The following CLIP1 variants were observed in gnomAD, a reference collection of about 807,000 sequenced individuals.
The protein encoded by CLIP1 is CAP-Gly domain-containing linker protein 1.
CLIP1 carries 66 observed loss-of-function variants against 161.6 expected under a neutral mutation model. The observed-to-expected ratio is 0.41, with a 90% CI of 0.33 to 0.50. CLIP1 has a LOEUF of 0.50. Among genes scored for constraint, CLIP1 ranks in the 20% least tolerant of loss-of-function variants. CLIP1 has a pLI of 0.27. For missense variants in CLIP1, 1,376 were observed against 1,702.0 expected (o/e 0.81, Z 3.37); for synonymous variants, 598 against 626.2 (o/e 0.96, Z 0.67).
intron 1 of CLIP1, among the ~76,000 whole-genome samples, chr12:122,397,552 C>CAA: frequency 4.5e-5 from 1 of 22,444 alleles, no homozygotes; most frequent in Non-Finnish European, 9.2e-5. Context: ...GACTCCATCT[C>CAA]CAAAAAAAAA....
intron 1 of CLIP1, among the ~76,000 whole-genome samples, chr12:122,418,330 A>G (rs181074038): frequency 6.6e-6 from 1 of 152,314 alleles, no homozygotes; most frequent in East Asian, 1.9e-4. Flanking sequence ...ATGCTGTCAC[A>G]GTTCAAAAAT....
intron 10 of CLIP1, 155 bp from the exon 11 acceptor site, chr12:122,341,852 C>T: frequency 2.1e-6 from 1 of 472,444 alleles, no homozygotes; most frequent in Non-Finnish European, 3.4e-6. Flanking sequence ...GGTGCGATCT[C>T]AGCTCACTGC....
At chr12:122,369,364 G>C (rs1042068116) in intron 3 of CLIP1, among the ~76,000 whole-genome samples, 3 of 151,814 alleles carry the variant, frequency 2.0e-5, no homozygotes, top group Non-Finnish European at 2.9e-5. Flanking sequence ...CCAGTGAAGG[G>C]CCAGTTCACC....
At chr12:122,285,727 T>C (rs1955824638) in intron 21 of CLIP1, among the ~76,000 whole-genome samples, 1 of 151,864 alleles carries the variant, frequency 6.6e-6, no homozygotes. Context: ...TCCTCCCTTT[T>C]TGGCCTCCCA....
At chr12:122,365,550 C>T in intron 3 of CLIP1, 2 of 1,136,360 alleles carry the variant, frequency 1.8e-6, no homozygotes, top group South Asian at 1.2e-5. Context: ...CAGCCTGCTC[C>T]ACCCAGAGAA....
At chr12:122,398,136 C>G (rs1452839343) in intron 1 of CLIP1, among the ~76,000 whole-genome samples, 1 of 151,670 alleles carries the variant, frequency 6.6e-6, no homozygotes, top group African/African-American at 2.4e-5. Context: ...TTTTAAGGGA[C>G]TGGGCTTGGT....
At chr12:122,298,596 CAAA>C (rs58917162) in intron 20 of CLIP1, among the ~76,000 whole-genome samples, 13 of 62,040 alleles carry the variant, frequency 2.1e-4, no homozygotes, top group Non-Finnish European at 1.5e-4. Context: ...CACTCTGTCT[CAAA>C]AAAAAAAAAA....
At chr12:122,380,615 C>A in intron 1 of CLIP1, 57 bp from the exon 2 acceptor site, 1 of 469,530 alleles carries the variant, frequency 2.1e-6, no homozygotes, top group Non-Finnish European at 3.8e-6. Flanking sequence ...GTAGGAACAA[C>A]AGGTAGCTTT....
At chr12:122,394,240 A>G (rs1333127409) in intron 1 of CLIP1, among the ~76,000 whole-genome samples, 1 of 152,194 alleles carries the variant, frequency 6.6e-6, no homozygotes, top group African/African-American at 2.4e-5. Context: ...CTGTAATCCC[A>G]GTACTTTGGG....
intron 11 of CLIP1, 115 bp from the exon 12 acceptor site, chr12:122,336,863 G>C: frequency 2.2e-6 from 1 of 456,158 alleles, no homozygotes; most frequent in South Asian, 5.9e-5. Context: ...AAACAAAACT[G>C]AAAGGAATAC....
chr12:122,290,101 T>G (rs945170632), intron 20 of CLIP1, among the ~76,000 whole-genome samples: 1 of 152,220 alleles, frequency 6.6e-6, no homozygotes, highest in Non-Finnish European at 1.5e-5. Flanking sequence ...GATTATGTAA[T>G]GGCTTCCAAC....
intron 24 of CLIP1, chr12:122,276,629 C>CCTTGAG: frequency 2.4e-6 from 1 of 412,424 alleles, no homozygotes; most frequent in Non-Finnish European, 4.0e-6. Context: ...TGGCAACTAA[C>CCTTGAG]ATCTCAAGGT....
At chr12:122,295,437 T>C (rs1327602712) in intron 20 of CLIP1, among the ~76,000 whole-genome samples, 3 of 152,220 alleles carry the variant, frequency 2.0e-5, no homozygotes, top group Non-Finnish European at 4.4e-5. Flanking sequence ...TTTCCTTATG[T>C]ATAATGTCTA....
chr12:122,292,981 C>T (rs1318653489), intron 20 of CLIP1, among the ~76,000 whole-genome samples: 2 of 86,588 alleles, frequency 2.3e-5, no homozygotes, highest in East Asian at 3.2e-4. Context: ...CCAGCCTGGG[C>T]AAAAGAGCAA....
At chr12:122,330,236 C>A (rs1381581251) in intron 15 of CLIP1, among the ~76,000 whole-genome samples, 1 of 152,120 alleles carries the variant, frequency 6.6e-6, no homozygotes, top group Non-Finnish European at 1.5e-5. Flanking sequence ...CCACAAAATA[C>A]CTACAAAAAT....
intron 9 of CLIP1, among the ~76,000 whole-genome samples, chr12:122,349,748 G>A (rs182110696): frequency 4.3e-4 from 66 of 152,348 alleles, no homozygotes; most frequent in African/African-American, 1.5e-3. Flanking sequence ...AGGAAAGGCA[G>A]GGGGGAAATC....
chr12:122,384,301 T>G (rs907847332), intron 1 of CLIP1, among the ~76,000 whole-genome samples: 1 of 152,184 alleles, frequency 6.6e-6, no homozygotes, highest in Non-Finnish European at 1.5e-5. Context: ...ACTACAAGAA[T>G]GACCTACATA....
At chr12:122,326,523 T>C (rs1424245273) in intron 17 of CLIP1, among the ~76,000 whole-genome samples, 1 of 151,994 alleles carries the variant, frequency 6.6e-6, no homozygotes, top group African/African-American at 2.4e-5. Flanking sequence ...CTACAAAAAA[T>C]AAAAAATTAG....
intron 19 of CLIP1, among the ~76,000 whole-genome samples, chr12:122,316,475 T>A (rs1418498439): frequency 1.3e-5 from 2 of 152,122 alleles, no homozygotes. Flanking sequence ...CTCCCAGTGA[T>A]GGGATTACAG....
Sources: allele counts gnomAD v4.1 joint callset (sites outside exome capture counted in the v4.1 genomes callset), GRCh38; gene constraint gnomAD v4.1.1; transcripts MANE v1.5; gene names NCBI Gene and HGNC (gene_info 2026-07-23, HGNC 2026-07-21).